Variants in RANBP2 observed in about 807,000 individuals in gnomAD.
The protein encoded by RANBP2 is RAN binding protein 2.
Under a neutral mutation model 303.6 loss-of-function variants are expected in RANBP2, and 57 were observed. That is an observed-to-expected ratio of 0.19 (90% confidence interval 0.15 to 0.23). The LOEUF is 0.23. Ranked by LOEUF, RANBP2 falls within the 10% of genes least tolerant of loss-of-function variation. The probability of loss-of-function intolerance (pLI) is 1.00; values close to 1 mark genes in which losing one functional copy is unlikely to be tolerated. For synonymous variants in RANBP2, 1,167 were observed against 1,301.5 expected, an observed-to-expected ratio of 0.90 and a Z score of 2.23; for missense variants, 3,138 against 3,780.8, an observed-to-expected ratio of 0.83 and a Z score of 4.46.
the RANBP2 span, among the ~76,000 whole-genome samples, chr2:108,962,319 A>G: frequency 6.6e-6 from 1 of 152,216 alleles, no homozygotes; most frequent in Non-Finnish European, 1.5e-5. Context: ...AGGTAATGAA[A>G]TGGAGGATTA....
the RANBP2 span, chr2:109,614,690 C>T: frequency 6.7e-7 from 1 of 1,487,928 alleles, no homozygotes; most frequent in East Asian, 2.9e-5. Flanking sequence ...CCACTGTGCG[C>T]GTCGATCCCG....
At chr2:108,763,162 T>G in intron 19 of RANBP2, 75 bp from the exon 20 acceptor site, 357 of 1,472,388 alleles carry the variant, frequency 2.4e-4, no homozygotes, top group Non-Finnish European at 3.0e-4. Flanking sequence ...TTGAAGTTTG[T>G]GAGAATTGGT....
At chr2:108,956,127 A>C in the RANBP2 span, among the ~76,000 whole-genome samples, 1 of 152,232 alleles carries the variant, frequency 6.6e-6, no homozygotes, top group African/African-American at 2.4e-5. Context: ...TATTCTTAAC[A>C]ACAGCCTTTT....
the RANBP2 span, among the ~76,000 whole-genome samples, chr2:109,029,953 G>A: frequency 6.6e-6 from 1 of 152,264 alleles, no homozygotes; most frequent in East Asian, 1.9e-4. Context: ...CAAGGATCCT[G>A]GTTGCTATCT....
chr2:109,081,342 T>C, the RANBP2 span, among the ~76,000 whole-genome samples: 1 of 152,096 alleles, frequency 6.6e-6, no homozygotes, highest in Non-Finnish European at 1.5e-5. Flanking sequence ...GAAATATACA[T>C]CACCTCCAGA....
the RANBP2 span, among the ~76,000 whole-genome samples, chr2:109,222,879 A>G: frequency 6.6e-6 from 1 of 152,250 alleles, no homozygotes; most frequent in South Asian, 2.1e-4. Flanking sequence ...GGCATCCCCA[A>G]GGTGTCCGCG....
the RANBP2 span, among the ~76,000 whole-genome samples, chr2:109,468,937 A>G: frequency 6.7e-6 from 1 of 149,360 alleles, no homozygotes; most frequent in Non-Finnish European, 1.5e-5. Context: ...TTGATACTGG[A>G]ACTGCCTTCC....
chr2:109,249,517 CTTT>C, the RANBP2 span, among the ~76,000 whole-genome samples: 1 of 86,932 alleles, frequency 1.2e-5, no homozygotes, highest in African/African-American at 4.4e-5. Context: ...TTCATTCTTT[CTTT>C]TTCTTTCTTT....
the RANBP2 span, among the ~76,000 whole-genome samples, chr2:109,301,988 G>A: frequency 6.6e-6 from 1 of 152,196 alleles, no homozygotes; most frequent in African/African-American, 2.4e-5. Flanking sequence ...GCTGATTTCA[G>A]CATCTTCGTT....
chr2:108,732,348 A>C (rs1024512967), intron 4 of RANBP2, among the ~76,000 whole-genome samples: 19 of 152,286 alleles, frequency 1.2e-4, no homozygotes, highest in Admixed American at 1.2e-3. Context: ...CCAGAATCTG[A>C]AATTTTTTGA....
the RANBP2 span, chr2:108,791,798 A>G: frequency 6.3e-7 from 1 of 1,580,864 alleles, no homozygotes. Context: ...AAGAAATAGA[A>G]AAAGGTAAAA....
the RANBP2 span, among the ~76,000 whole-genome samples, chr2:108,943,891 T>G: frequency 6.6e-6 from 1 of 152,196 alleles, no homozygotes; most frequent in Admixed American, 6.5e-5. Context: ...GCATACCATT[T>G]CCACCCACTG....
At chr2:109,508,352 G>C in the RANBP2 span, among the ~76,000 whole-genome samples, 1 of 152,116 alleles carries the variant, frequency 6.6e-6, no homozygotes. Context: ...GATACACGTA[G>C]AGCTATTGGC....
At chr2:109,644,690 G>A in the RANBP2 span, among the ~76,000 whole-genome samples, 3 of 152,058 alleles carry the variant, frequency 2.0e-5, no homozygotes, top group African/African-American at 4.8e-5. Flanking sequence ...CTGTTTTCCC[G>A]GGCAGTCACA....
chr2:109,731,964 T>A, the RANBP2 span, among the ~76,000 whole-genome samples: 1 of 151,950 alleles, frequency 6.6e-6, no homozygotes, highest in African/African-American at 2.4e-5. Flanking sequence ...TCCTCCCACC[T>A]TGGCTTCCCA....
the RANBP2 span, among the ~76,000 whole-genome samples, chr2:109,525,341 A>T: frequency 6.6e-6 from 1 of 151,928 alleles, no homozygotes; most frequent in Non-Finnish European, 1.5e-5. Flanking sequence ...AATTTTTACA[A>T]GAAATAGAGA....
the RANBP2 span, among the ~76,000 whole-genome samples, chr2:109,439,106 A>T: frequency 3.3e-5 from 5 of 152,166 alleles, no homozygotes; most frequent in African/African-American, 1.2e-4. Context: ...CCTGCCAGTC[A>T]CTTCTCCCTC....
the RANBP2 span, among the ~76,000 whole-genome samples, chr2:109,282,760 A>G: frequency 6.6e-6 from 1 of 152,172 alleles, no homozygotes; most frequent in Non-Finnish European, 1.5e-5. Context: ...CGGCCAAAGG[A>G]GAAAGCTGCA....
At chr2:109,336,442 A>G in the RANBP2 span, among the ~76,000 whole-genome samples, 1 of 152,236 alleles carries the variant, frequency 6.6e-6, no homozygotes, top group Non-Finnish European at 1.5e-5. Flanking sequence ...GCCACCAATA[A>G]GTTTCTCCCT....
Sources: gnomAD v4.1 joint callset for allele counts (sites outside exome capture counted in the v4.1 genomes callset) on GRCh38, gnomAD v4.1.1 for gene constraint, MANE v1.5 for transcripts, NCBI Gene and HGNC (gene_info 2026-07-23, HGNC 2026-07-21) for gene names.